Variants in SIRPG observed in about 807,000 individuals in gnomAD.
SIRPG encodes the protein signal-regulatory protein gamma.
In SIRPG, 38 loss-of-function variants were observed where a neutral mutation model predicts 35.7. The ratio of observed to expected loss-of-function variants is 1.06; its 90% CI spans 0.82 to 1.40. The LOEUF (loss-of-function observed/expected upper bound fraction) is 1.40, where lower values mean the gene tolerates loss of function less well. Ranked by LOEUF, SIRPG falls within the 40% of genes most tolerant of loss-of-function variation. The pLI, the probability that SIRPG is intolerant of heterozygous loss-of-function variation, is 0.00. For missense variants in SIRPG, 519 were observed against 483.0 expected (o/e 1.07, Z -0.70); for synonymous variants, 215 against 190.4 (o/e 1.13, Z -1.06).
intron 4 of SIRPG, among the ~76,000 whole-genome samples, chr20:1,635,022 G>A (rs6105444): frequency 0.021 from 3,181 of 149,180 alleles, 96 homozygotes; most frequent in African/African-American, 0.071. Flanking sequence ...CAGTCTGGGC[G>A]ACAGAGCCAG....
the SIRPG span, among the ~76,000 whole-genome samples, chr20:1,684,093 A>G: frequency 1.3e-5 from 2 of 152,114 alleles, no homozygotes; most frequent in Admixed American, 6.5e-5. Flanking sequence ...AGTTTAAGAG[A>G]TGTATTGTAC....
chr20:1,639,360 TCTAATGATCAGTG>T (rs2091832076), intron 2 of SIRPG, among the ~76,000 whole-genome samples: 1 of 152,368 alleles, frequency 6.6e-6, no homozygotes, highest in Non-Finnish European at 1.5e-5. Context: ...TTTTCATTTC[TCTAATGATCAGTG>T]ATGTTGAGCT....
At chr20:1,678,446 C>T in the SIRPG span, among the ~76,000 whole-genome samples, 1 of 151,812 alleles carries the variant, frequency 6.6e-6, no homozygotes, top group Admixed American at 6.6e-5. Context: ...ACTAAAAGTT[C>T]ATTAAAGAGG....
intron 2 of SIRPG, among the ~76,000 whole-genome samples, chr20:1,641,975 G>A (rs577323920): frequency 5.9e-5 from 9 of 152,248 alleles, no homozygotes; most frequent in Admixed American, 2.0e-4. Context: ...TATGATTTCC[G>A]TTCTTTTGCA....
upstream of SIRPG, among the ~76,000 whole-genome samples, chr20:1,658,469 G>A (rs566135737): frequency 2.2e-4 from 34 of 152,146 alleles, no homozygotes; most frequent in East Asian, 1.2e-3. Flanking sequence ...TCCTGGGGCC[G>A]TCGCATCAAT....
At chr20:1,665,971 G>C in the SIRPG span, among the ~76,000 whole-genome samples, 1 of 152,138 alleles carries the variant, frequency 6.6e-6, no homozygotes, top group Non-Finnish European at 1.5e-5. Flanking sequence ...TGTTCTCCTA[G>C]GAGATGACAG....
chr20:1,636,931 T>A (rs947326343), intron 2 of SIRPG, among the ~76,000 whole-genome samples: 2 of 152,052 alleles, frequency 1.3e-5, no homozygotes, highest in Non-Finnish European at 2.9e-5. Flanking sequence ...CCATGAGACC[T>A]GCAACCAGGC....
At chr20:1,658,945 A>C (rs1223441220), upstream of SIRPG, among the ~76,000 whole-genome samples, 1 of 152,080 alleles carries the variant, frequency 6.6e-6, no homozygotes, top group East Asian at 1.9e-4. Context: ...CCATAGATTA[A>C]TTCCTCCTCT....
intron 1 of SIRPG, among the ~76,000 whole-genome samples, chr20:1,654,153 C>G (rs1480604965): frequency 1.3e-5 from 2 of 151,476 alleles, no homozygotes; most frequent in Non-Finnish European, 2.9e-5. Flanking sequence ...GCAGGGGAAT[C>G]ACTTGAACCC....
At chr20:1,656,286 G>A (rs1342046820) in intron 1 of SIRPG, among the ~76,000 whole-genome samples, 2 of 152,172 alleles carry the variant, frequency 1.3e-5, no homozygotes, top group African/African-American at 4.8e-5. Context: ...TGAAGTAGGG[G>A]ACAATGAACA....
At chr20:1,634,818 C>T (rs531854999) in intron 4 of SIRPG, among the ~76,000 whole-genome samples, 13 of 151,770 alleles carry the variant, frequency 8.6e-5, no homozygotes, top group East Asian at 3.9e-4. Flanking sequence ...CTGAGGCGGG[C>T]GGATCACGAG....
In SIRPG at chr20:1,630,272, T is replaced by A. The variant is rs34442420; in HGVS notation, c.1116A>T (p.Ile372=). The A allele has an allele frequency of 0.011, 17,154 of 1,573,640 alleles. 130 individuals carry two copies. Among genetic ancestry groups the A allele is most frequent in the Non-Finnish European group, 0.013 (15,302 of 1,158,790 alleles). Residue 372 remains isoleucine (I), a synonymous_variant, in exon 5 of 6, where the codon ATA becomes ATT. Coordinates refer to ENST00000303415, the MANE Select transcript of SIRPG (RefSeq NM_018556.4). ...PASSLTALLL[I]AVLLGPIYVP... Reference sequence around the variant, plus strand: ...CGTAGATGGGGCCCAGGAGGACAGCTATGAGGAGCAGCGCAGTAAGGGATG... The same window carrying A: ...CGTAGATGGGGCCCAGGAGGACAGCAATGAGGAGCAGCGCAGTAAGGGATG...
the SIRPG span, among the ~76,000 whole-genome samples, chr20:1,668,155 C>T: frequency 0.49 from 52,072 of 107,360 alleles, 10,002 homozygotes; most frequent in Admixed American, 0.56. Flanking sequence ...TTCTTTTTTT[C>T]TTTTCTTTTC....
intron 1 of SIRPG, chr20:1,651,207 TA>T (rs1483522383): frequency 2.0e-5 from 3 of 152,038 alleles, no homozygotes; most frequent in African/African-American, 7.3e-5. Flanking sequence ...AAATTTTTTT[TA>T]AAAAATCATA....
At chr20:1,642,782 A>G (rs1236244004) in intron 2 of SIRPG, among the ~76,000 whole-genome samples, 2 of 152,152 alleles carry the variant, frequency 1.3e-5, no homozygotes, top group African/African-American at 2.4e-5. Flanking sequence ...CAAATCCCTC[A>G]GCATTTGCTT....
chr20:1,668,825 A>G, the SIRPG span, among the ~76,000 whole-genome samples: 5 of 152,218 alleles, frequency 3.3e-5, no homozygotes, highest in Admixed American at 2.6e-4. Context: ...AGGTGCATGC[A>G]TGACTGAGTG....
chr20:1,651,043 T>G (rs1294869509), intron 1 of SIRPG, among the ~76,000 whole-genome samples: 4 of 152,154 alleles, frequency 2.6e-5, no homozygotes, highest in Admixed American at 2.0e-4. Flanking sequence ...AGGGAGAAAT[T>G]AAGACATTCT....
intron 4 of SIRPG, among the ~76,000 whole-genome samples, chr20:1,634,393 G>A (rs896350130): frequency 6.6e-6 from 1 of 151,808 alleles, no homozygotes; most frequent in Admixed American, 6.6e-5. Flanking sequence ...ATTTTTAGTA[G>A]AGATGGGGTT....
chr20:1,679,310 C>G, the SIRPG span, among the ~76,000 whole-genome samples: 1 of 152,176 alleles, frequency 6.6e-6, no homozygotes, highest in Non-Finnish European at 1.5e-5. Flanking sequence ...TTTCCTGATG[C>G]CTCAACATCC....
Sources: allele counts gnomAD v4.1 joint callset (sites outside exome capture counted in the v4.1 genomes callset), GRCh38; gene constraint gnomAD v4.1.1; transcripts MANE v1.5; gene names NCBI Gene and HGNC (gene_info 2026-07-23, HGNC 2026-07-21).